The following TNKS variants were observed in gnomAD, a reference collection of about 807,000 sequenced individuals.
TNKS encodes tankyrase.
TNKS carries 72 observed loss-of-function variants against 135.8 expected under a neutral mutation model. The observed-to-expected ratio is 0.53, with a 90% CI of 0.44 to 0.64. The LOEUF (loss-of-function observed/expected upper bound fraction) is 0.64, where lower values mean the gene tolerates loss of function less well. Ranked by LOEUF, TNKS falls within the 30% of genes least tolerant of loss-of-function variation. The pLI is 0.00. For synonymous variants in TNKS, 849 were observed against 649.3 expected, an observed-to-expected ratio of 1.31 and a Z score of -4.68; for missense variants, 1,769 against 1,674.0, an observed-to-expected ratio of 1.06 and a Z score of -0.99.
chr8:9,765,749 G>A lies in TNKS; in HGVS notation c.3505G>A (p.Val1169Met). ...RERFCHRQKE[V>M]SEENHNHHNE... The stretch of plus-strand genomic sequence containing the variant: ...GCGGTTCTGCCACCGACAGAAGGAA[G>A]TGTCTGAGGAGAATCACAACCATCA... The change falls in exon 24 of 27, where the codon GTG (valine) becomes ATG (methionine). Residue 1169 changes from valine to methionine, a missense_variant. Coordinates refer to ENST00000310430, the MANE Select transcript of TNKS (RefSeq NM_003747.3). 6.2e-7 allele frequency: 1 copy of A among 1,614,050 alleles called. No homozygotes were observed. Among genetic ancestry groups the A allele is most frequent in the Non-Finnish European group, 8.5e-7 (1 of 1,179,938 alleles).
intron 1 of TNKS, among the ~76,000 whole-genome samples, chr8:9,566,754 G>A (rs905373776): frequency 1.1e-4 from 16 of 151,408 alleles, no homozygotes; most frequent in African/African-American, 2.4e-4. Flanking sequence ...GACTACAGGC[G>A]CCCGCCACCG....
chr8:9,667,397 C>T (rs776452687), intron 3 of TNKS, among the ~76,000 whole-genome samples: 2 of 152,142 alleles, frequency 1.3e-5, no homozygotes, highest in Non-Finnish European at 2.9e-5. Context: ...TTCCTACAGC[C>T]CTTGCTCTTA....
chr8:9,658,519 C>A, intron 3 of TNKS: 1 of 464,286 alleles, frequency 2.2e-6, no homozygotes. Context: ...AAATCCTTTA[C>A]AGACAAGCAA....
At position 9,708,411 on chromosome 8, in the gene TNKS, A is replaced by C. The variant is rs770365915; in HGVS notation, c.1497A>C (p.Glu499Asp). 19 of 1,610,032 alleles carry C rather than the reference A, an allele frequency of 1.2e-5. No homozygotes were observed. In the South Asian group the frequency reaches 2.1e-4, roughly 18 times the overall value. The change falls in exon 9 of 27, where the codon GAA becomes GAC. Residue 499 changes from glutamate (E) to aspartate (D), a missense_variant. Physicochemically the swap from Glu to Asp is conservative, Grantham distance 45 (BLOSUM62 2). Around this residue, in one of 5 missense-constraint regions of TNKS, gnomAD observed 523 missense variants for 541.0 expected, o/e 0.97. Transcript: ENST00000310430. ...KGHSLLQAAR[E>D]ADLAKVKKTL... Reference sequence around the variant, plus strand: ...ATTCTTTACTACAAGCAGCCAGAGAAGCAGACTTAGCTAAAGTTAAAAAAA... The same window carrying C: ...ATTCTTTACTACAAGCAGCCAGAGACGCAGACTTAGCTAAAGTTAAAAAAA...
chr8:9,606,735 C>A (rs572649102), intron 2 of TNKS, among the ~76,000 whole-genome samples: 2 of 151,990 alleles, frequency 1.3e-5, no homozygotes, highest in South Asian at 4.2e-4. Context: ...TTCTTTCTCT[C>A]TATATGTTTA....
At position 9,764,669 on chromosome 8, in the gene TNKS, A is replaced by G. The variant is rs759620071; in HGVS notation, c.3373-47A>G. The stretch of plus-strand genomic sequence containing the variant: ...AATTTTAGACTCATCATTGTCTAGA[A>G]TTACACACTGGGATGTTTTTATAAA... On this transcript the variant is annotated intron_variant, in intron 22 of 26. Coordinates refer to ENST00000310430, the MANE Select transcript of TNKS (RefSeq NM_003747.3). 4.1e-6 allele frequency: 6 copies of G among 1,467,546 alleles called. No individual in the cohort carries two copies. In the East Asian group the frequency reaches 1.4e-4, roughly 35 times the overall value. The allele number at this position is 1,467,546 out of a possible 1,614,324, so 90.9% of individuals were successfully genotyped here.
At chr8:9,607,486 T>G (rs1391930923) in intron 2 of TNKS, among the ~76,000 whole-genome samples, 2 of 152,234 alleles carry the variant, frequency 1.3e-5, no homozygotes, top group Non-Finnish European at 2.9e-5. Context: ...TTAGCTGCAA[T>G]GTGGAATCTG....
rs35420737 is a variant in TNKS at position 9,770,281 on chromosome 8, A to G, written c.3897+19A>G. The stretch of plus-strand genomic sequence containing the variant: ...AGAACAGGTATGTTACTCATCAAAC[A>G]AGCATAACCAAGTTCACAAACATGT... On this transcript the variant is annotated intron_variant, in intron 26 of 26. Coordinates refer to ENST00000310430, the MANE Select transcript of TNKS (RefSeq NM_003747.3). 125,952 of 1,594,668 alleles carry G rather than the reference A, an allele frequency of 0.079. 6,080 individuals carry two copies. The highest frequency in any genetic ancestry group is 0.17 in the South Asian group (15,514 of 89,582).
intron 3 of TNKS, among the ~76,000 whole-genome samples, chr8:9,631,551 G>A (rs908654033): frequency 6.6e-6 from 1 of 152,066 alleles, no homozygotes; most frequent in Non-Finnish European, 1.5e-5. Flanking sequence ...TCTCTATTTG[G>A]TAGACTTAGT....
chr8:9,718,397 A>G (rs1436548421), intron 11 of TNKS, among the ~76,000 whole-genome samples: 1 of 152,172 alleles, frequency 6.6e-6, no homozygotes, highest in African/African-American at 2.4e-5. Context: ...TAAGTTTAGG[A>G]GAAGTGGCCT....
intron 2 of TNKS, among the ~76,000 whole-genome samples, chr8:9,587,614 G>A (rs925611140): frequency 1.3e-5 from 2 of 150,802 alleles, no homozygotes; most frequent in South Asian, 4.1e-4. Flanking sequence ...ATGTTAGCCA[G>A]GGTGGTCTCG....
At chr8:9,632,020 G>A (rs1800311547) in intron 3 of TNKS, among the ~76,000 whole-genome samples, 2 of 152,080 alleles carry the variant, frequency 1.3e-5, no homozygotes, top group African/African-American at 2.4e-5. Flanking sequence ...ATTAATGGCA[G>A]TTTTATTTGT....
chr8:9,639,921 G>C (rs1800660306), intron 3 of TNKS, among the ~76,000 whole-genome samples: 1 of 152,128 alleles, frequency 6.6e-6, no homozygotes, highest in Non-Finnish European at 1.5e-5. Flanking sequence ...GACTAATCGG[G>C]ACGGTTCAAG....
intron 3 of TNKS, among the ~76,000 whole-genome samples, chr8:9,629,274 C>G (rs1800189841): frequency 1.3e-5 from 2 of 152,228 alleles, no homozygotes; most frequent in Admixed American, 1.3e-4. Context: ...GATGCAGACT[C>G]CTAATCTTGC....
intron 2 of TNKS, among the ~76,000 whole-genome samples, chr8:9,595,865 C>T (rs1053602674): frequency 6.6e-6 from 1 of 151,904 alleles, no homozygotes; most frequent in African/African-American, 2.4e-5. Flanking sequence ...CTAATCTTGG[C>T]ACTTTGGGAG....
At chr8:9,771,052 G>C (rs1003844889) in intron 26 of TNKS, among the ~76,000 whole-genome samples, 11 of 152,062 alleles carry the variant, frequency 7.2e-5, no homozygotes, top group African/African-American at 2.7e-4. Context: ...TCTAACGTGT[G>C]TGTACACCCA....
At chr8:9,592,652 G>T (rs1585206531) in intron 2 of TNKS, among the ~76,000 whole-genome samples, 1 of 152,148 alleles carries the variant, frequency 6.6e-6, no homozygotes, top group Non-Finnish European at 1.5e-5. Flanking sequence ...ACTTTCATAC[G>T]TATTCTTATT....
chr8:9,769,747 G>A (rs1290939910), intron 25 of TNKS, among the ~76,000 whole-genome samples: 1 of 149,212 alleles, frequency 6.7e-6, no homozygotes, highest in Admixed American at 6.8e-5. Flanking sequence ...AGCCTCCCAA[G>A]TAGCTGAGAC....
In TNKS at chr8:9,772,497, A is replaced by ATT. The variant is rs1807971186; in HGVS notation, c.3897+2236_3897+2237dup. ...GATTGTATTCTTCAAAAATGTTAAT[A>ATT]TTATAAAAGAAAGGCTGTGCTAACT... On this transcript the variant is annotated intron_variant, in intron 26 of 26. Coordinates refer to ENST00000310430, the MANE Select transcript of TNKS (RefSeq NM_003747.3). 8.5e-5 allele frequency: 38 copies of ATT among 446,744 alleles called. 1 individual carries two copies. Among genetic ancestry groups the ATT allele is most frequent in the South Asian group, 6.1e-4 (38 of 62,638 alleles). 27.7% of individuals were successfully genotyped at this position (446,744 alleles called of 1,614,324 possible). A position where few individuals can be genotyped will look rare whatever the true frequency, so the allele number is the denominator to read the frequency against.
Sources: gnomAD v4.1 joint callset for allele counts (sites outside exome capture counted in the v4.1 genomes callset) on GRCh38, gnomAD v4.1.1 for gene constraint, gnomAD v4.1.1 regional missense constraint, MANE v1.5 for transcripts, NCBI Gene and HGNC (gene_info 2026-07-23, HGNC 2026-07-21) for gene names.